Variants in SEL1L observed in about 807,000 individuals in gnomAD.
SEL1L encodes the protein SEL1L adaptor subunit of SYVN1 ubiquitin ligase, also known as protein sel-1 homolog 1.
A neutral mutation model predicts 109.8 loss-of-function variants in SEL1L; 52 were observed. That is an observed-to-expected ratio of 0.47 (90% CI 0.38 to 0.60). The LOEUF is 0.60. Ranked by LOEUF, SEL1L falls within the 20% of genes least tolerant of loss-of-function variation. SEL1L has a pLI of 0.00. For synonymous variants in SEL1L, 373 were observed against 339.6 expected (o/e 1.10, Z -1.08); for missense variants, 749 against 962.2 (o/e 0.78, Z 2.93).
chr14:81,487,964 G>A (rs1419171055), intron 14 of SEL1L, 22 bp from the exon 15 acceptor site: 2 of 1,577,188 alleles, frequency 1.3e-6, no homozygotes, highest in Admixed American at 1.7e-5. Flanking sequence ...GATGTCATAT[G>A]ATGAGAAAGC....
rs529831221 is a variant in SEL1L, at chr14:81,479,623, G to A, written c.2164C>T (p.Arg722Trp). 3.0e-5 allele frequency: 49 copies of A among 1,611,712 alleles called. No individual in the cohort carries two copies. The highest frequency in any genetic ancestry group is 3.6e-5 in the Non-Finnish European group (43 of 1,179,198). Reference protein sequence around the residue: ...LGVVYFLQYIRETNIRDMFTQ... With the variant: ...LGVVYFLQYIWETNIRDMFTQ... ...TACGGACCACTTACGTTTGTTTCCC[G>A]TATGTACTGCAAGAAATAGACGACG... The change falls in exon 20 of 21, where the codon CGG becomes TGG. Residue 722 changes from arginine to tryptophan, a missense_variant. This residue lies in a region of SEL1L where 383 missense variants were observed against 562.5 expected (regional missense o/e 0.68). Coordinates refer to ENST00000336735, the MANE Select transcript of SEL1L (RefSeq NM_005065.6).
At chr14:81,493,136 CT>C (rs1738001433) in intron 11 of SEL1L, among the ~76,000 whole-genome samples, 1 of 152,144 alleles carries the variant, frequency 6.6e-6, no homozygotes, top group Non-Finnish European at 1.5e-5. Flanking sequence ...GGTTATTCCT[CT>C]TATTTTCCTT....
At chr14:81,498,373 A>AC in intron 9 of SEL1L, 40 bp downstream of exon 9, 1 of 1,453,524 alleles carries the variant, frequency 6.9e-7, no homozygotes, top group South Asian at 1.2e-5. Flanking sequence ...AATTCCATTT[A>AC]TTTTTTTTTC....
At chr14:81,492,423 G>T in intron 12 of SEL1L, 57 bp downstream of exon 12, 1 of 1,198,046 alleles carries the variant, frequency 8.3e-7, no homozygotes, top group Non-Finnish European at 1.2e-6. Flanking sequence ...CACAATACAT[G>T]CTAATTATGC....
In SEL1L at chr14:81,492,529, T is replaced by C. The variant is rs770366553; in HGVS notation, c.1205A>G (p.Asn402Ser). The change falls in exon 12 of 21, where the codon AAT becomes AGT. Residue 402 changes from asparagine (N) to serine (S), a missense_variant. By Grantham distance (46) the Asn-to-Ser change is conservative. This residue lies in a region of SEL1L where 383 missense variants were observed against 562.5 expected (regional missense o/e 0.68). Transcript: ENST00000336735. ...QNHQRAFDYF[N>S]LAANAGNSHA... ...TGAATTGCCAGCATTTGCTGCTAAA[T>C]TGAAGTAGTCAAATGCTCTCTATGA... The C allele has an allele frequency of 1.9e-5, 30 of 1,611,962 alleles. No homozygotes were observed. The highest frequency in any genetic ancestry group is 3.3e-4 in the Middle Eastern group (2 of 6,058).
intron 2 of SEL1L, 73 bp downstream of exon 2, chr14:81,527,628 C>A: frequency 2.7e-6 from 3 of 1,106,800 alleles, no homozygotes; most frequent in Non-Finnish European, 3.8e-6. Context: ...GACCTCATAT[C>A]CTTTCTAAGA....
At chr14:81,491,655 G>A (rs932681123) in intron 12 of SEL1L, among the ~76,000 whole-genome samples, 1 of 152,134 alleles carries the variant, frequency 6.6e-6, no homozygotes, top group Admixed American at 6.5e-5. Flanking sequence ...AGTTATAAGT[G>A]AAAATACCCA....
At position 81,476,861 on chromosome 14, in the gene SEL1L, C is replaced by T; in HGVS notation, c.*111G>A. 2 of 1,006,048 alleles carry T rather than the reference C, an allele frequency of 2.0e-6. No individual in the cohort carries two copies. The highest frequency in any genetic ancestry group is 2.9e-6 in the Non-Finnish European group (2 of 689,206). The allele number at this position is 1,006,048 out of a possible 1,614,324, so 62.3% of individuals were successfully genotyped here. A position where few individuals can be genotyped will look rare whatever the true frequency, so the allele number is the denominator to read the frequency against. ...TTTAGGAATTCAATGCTTCCTTGTGCCGTGCCTCTTCTGGGAGGTGACCAC... is the reference window on the plus strand; with the variant it reads ...TTTAGGAATTCAATGCTTCCTTGTGTCGTGCCTCTTCTGGGAGGTGACCAC... On this transcript the variant is annotated 3_prime_UTR_variant, in exon 21 of 21. Transcript: ENST00000336735.
At chr14:81,506,779 C>T (rs1011675213) in intron 3 of SEL1L, among the ~76,000 whole-genome samples, 2 of 152,150 alleles carry the variant, frequency 1.3e-5, no homozygotes, top group African/African-American at 4.8e-5. Flanking sequence ...GGACTTTGAG[C>T]TTGTTAAGGG....
intron 6 of SEL1L, among the ~76,000 whole-genome samples, chr14:81,501,195 G>A (rs1349691588): frequency 6.6e-6 from 1 of 152,240 alleles, no homozygotes. Flanking sequence ...TCAGAAAAGA[G>A]TGATGCCAAC....
chr14:81,496,340 C>CG lies in SEL1L; in HGVS notation c.1129-1204_1129-1203insC, dbSNP rs1555413759. Among the ~76,000 whole-genome samples, 598 of 147,366 alleles carry CG rather than the reference C, an allele frequency of 4.1e-3. 3 individuals carry two copies. Among genetic ancestry groups the CG allele is most frequent in the African/African-American group, 8.0e-3 (323 of 40,572 alleles). ...CCGTCTCAAAAAACAAAAACAAAAA[C>CG]AAAAAAAAAACTGAATTTGTCCCCA... On this transcript the variant is annotated intron_variant, in intron 10 of 20. Transcript: ENST00000336735.
At position 81,475,607 on chromosome 14, in the gene SEL1L, A is replaced by G. The variant is rs1274079097; in HGVS notation, c.*1365T>C. 6.6e-6 allele frequency: 1 copy of G among 152,240 alleles called. No individual in the cohort carries two copies. Among genetic ancestry groups the G allele is most frequent in the Non-Finnish European group, 1.5e-5 (1 of 68,042 alleles). 9.4% of individuals were successfully genotyped at this position (152,240 alleles called of 1,614,324 possible). A position where few individuals can be genotyped will look rare whatever the true frequency, so the allele number is the denominator to read the frequency against. On this transcript the variant is annotated 3_prime_UTR_variant, in exon 21 of 21. Transcript: ENST00000336735. ...TCAGATACGAATGCAGTCTCAGACA[A>G]GATACAGGCTGGTGAACACCACCAT...
At chr14:81,525,618 T>A (rs1885080935) in intron 3 of SEL1L, among the ~76,000 whole-genome samples, 1 of 152,142 alleles carries the variant, frequency 6.6e-6, no homozygotes, top group African/African-American at 2.4e-5. Flanking sequence ...TACATCCAAT[T>A]CAGCAAATTT....
chr14:81,487,332 A>T, intron 16 of SEL1L, 58 bp downstream of exon 16: 3 of 1,489,078 alleles, frequency 2.0e-6, no homozygotes, highest in Non-Finnish European at 2.7e-6. Context: ...TTGAAAGCGC[A>T]GACTTTCCTG....
intron 19 of SEL1L, 78 bp downstream of exon 19, chr14:81,484,147 G>T (rs1298120402): frequency 1.4e-6 from 2 of 1,437,072 alleles, no homozygotes; most frequent in Non-Finnish European, 1.9e-6. Flanking sequence ...GTCAAGGAAA[G>T]TCTATTTTCT....
chr14:81,533,770 C>G lies in SEL1L; in HGVS notation c.-26G>C. The G allele has an allele frequency of 6.2e-7, 1 of 1,609,234 alleles. No individual in the cohort carries two copies. Among genetic ancestry groups the G allele is most frequent in the Non-Finnish European group, 8.5e-7 (1 of 1,177,976 alleles). On this transcript the variant is annotated 5_prime_UTR_variant, in exon 1 of 21. Transcript: ENST00000336735. ...CCTCCTCTCGGGGCCGGTGCCAACCCCTAGAGCTGTCGCCTTCGCCTCTGC... is the reference window on the plus strand; with the variant it reads ...CCTCCTCTCGGGGCCGGTGCCAACCGCTAGAGCTGTCGCCTTCGCCTCTGC...
At position 81,471,608 on chromosome 14, in the gene SEL1L, T is replaced by TCAA. The variant is rs1191204441; in HGVS notation, c.*5361_*5363dup. 2 of 152,178 alleles carry TCAA rather than the reference T, an allele frequency of 1.3e-5. No homozygotes were observed. The highest frequency in any genetic ancestry group is 2.9e-5 in the Non-Finnish European group (2 of 68,036). 9.4% of individuals were successfully genotyped at this position (152,178 alleles called of 1,614,324 possible). ...ATTCAGTTAACTAACCACATTCCAC[T>TCAA]CAACTTACATGAGAAAAAATTGTGT... is the stretch of plus-strand genomic sequence containing the variant. On this transcript the variant is annotated 3_prime_UTR_variant, in exon 21 of 21. Coordinates refer to ENST00000336735, the MANE Select transcript of SEL1L (RefSeq NM_005065.6).
intron 1 of SEL1L, among the ~76,000 whole-genome samples, chr14:81,531,923 T>C (rs1373814968): frequency 6.6e-6 from 1 of 152,246 alleles, no homozygotes; most frequent in Non-Finnish European, 1.5e-5. Context: ...TTGTTTTAGT[T>C]CTGGCTAAGG....
At position 81,473,721 on chromosome 14, in the gene SEL1L, AG is replaced by A. The variant is rs1323530695; in HGVS notation, c.*3250del. The A allele has an allele frequency of 6.6e-6, 1 of 152,168 alleles. No individual in the cohort carries two copies. Among genetic ancestry groups the A allele is most frequent in the Non-Finnish European group, 1.5e-5 (1 of 68,008 alleles). 9.4% of individuals were successfully genotyped at this position (152,168 alleles called of 1,614,324 possible). On this transcript the variant is annotated 3_prime_UTR_variant, in exon 21 of 21. Coordinates refer to ENST00000336735, the MANE Select transcript of SEL1L (RefSeq NM_005065.6). ...GAAATGTTAGTCCGAACCTCTGTAA[AG>A]GAAGTTTTTGCGTATGTAGTTAGAC...
Sources: gnomAD v4.1 joint callset for allele counts (sites outside exome capture counted in the v4.1 genomes callset) on GRCh38, gnomAD v4.1.1 for gene constraint, gnomAD v4.1.1 regional missense constraint, MANE v1.5 for transcripts, NCBI Gene and HGNC (gene_info 2026-07-23, HGNC 2026-07-21) for gene names.